DSG3: variants seen among roughly 807,000 people sequenced by gnomAD.
The protein encoded by DSG3 is desmoglein 3, also known as desmoglein-3.
Under a neutral mutation model 85.9 loss-of-function variants are expected in DSG3, and 63 were observed. The ratio of observed to expected loss-of-function variants is 0.73; its 90% confidence interval spans 0.60 to 0.90. The LOEUF (loss-of-function observed/expected upper bound fraction) is 0.90, where lower values mean the gene tolerates loss of function less well. Among genes scored for constraint, DSG3 ranks in the 40% least tolerant of loss-of-function variants. DSG3 has a pLI of 0.00. For synonymous variants in DSG3, 447 were observed against 441.9 expected (o/e 1.01, Z -0.14); for missense variants, 1,220 against 1,219.9 (o/e 1.00, Z 0.00).
chr18:31,466,936 T>G (rs2072824880), intron 11 of DSG3, among the ~76,000 whole-genome samples, 182 bp downstream of exon 11: 1 of 152,272 alleles, frequency 6.6e-6, no homozygotes, highest in African/African-American at 2.4e-5. Context: ...AATGATATAC[T>G]GTTAGCACCA....
intron 1 of DSG3, among the ~76,000 whole-genome samples, chr18:31,455,451 G>T (rs2072736536): frequency 6.6e-6 from 1 of 152,040 alleles, no homozygotes; most frequent in South Asian, 2.1e-4. Context: ...CAATACTCCT[G>T]GCTTAGCACA....
At chr18:31,458,925 C>G in intron 4 of DSG3, 108 bp from the exon 5 acceptor site, 1 of 1,361,866 alleles carries the variant, frequency 7.3e-7, no homozygotes, top group Non-Finnish European at 1.0e-6. Context: ...AACATTTCTT[C>G]TTTGCACAAA....
At chr18:31,449,998 A>G (rs1255153613) in intron 1 of DSG3, among the ~76,000 whole-genome samples, 1 of 152,252 alleles carries the variant, frequency 6.6e-6, no homozygotes, top group African/African-American at 2.4e-5. Context: ...TTGAAATGAT[A>G]GTATTTTGGA....
chr18:31,456,925 T>A, intron 2 of DSG3, 68 bp from the exon 3 acceptor site: 1 of 1,528,374 alleles, frequency 6.5e-7, no homozygotes, highest in Non-Finnish European at 8.8e-7. Flanking sequence ...ACTAGGTGTC[T>A]GTAATCAATA....
At chr18:31,474,526 G>GGTTT in intron 15 of DSG3, 122 bp downstream of exon 15, 1 of 1,293,010 alleles carries the variant, frequency 7.7e-7, no homozygotes. Context: ...AGAAAAAAAT[G>GGTTT]GTTTGTTTGT....
At chr18:31,458,411 G>T (rs1353076770) in intron 3 of DSG3, 34 bp from the exon 4 acceptor site, 11 of 1,603,138 alleles carry the variant, frequency 6.9e-6, no homozygotes, top group Non-Finnish European at 9.4e-6. Flanking sequence ...TTGAGTGATG[G>T]TCACCTCAAC....
chr18:31,465,534 A>G (rs2072812861), intron 10 of DSG3, 77 bp downstream of exon 10: 1 of 1,232,872 alleles, frequency 8.1e-7, no homozygotes, highest in Non-Finnish European at 1.1e-6. Context: ...GATTATGATT[A>G]TTCAACATAT....
chr18:31,461,814 C>T (rs1464539259), intron 8 of DSG3, among the ~76,000 whole-genome samples: 2 of 152,150 alleles, frequency 1.3e-5, no homozygotes, highest in African/African-American at 2.4e-5. Flanking sequence ...CTTGCCCATT[C>T]GTCAATCGGT....
Position 31,472,752 on chromosome 18 carries a change from G to A in DSG3, c.2065G>A (p.Val689Ile), listed in dbSNP as rs2072863679. Reference protein sequence around the residue: ...KEITNICVPPVTANGADFMES... With the variant: ...KEITNICVPPITANGADFMES... ...AATCACAAATATTTGTGTGCCTCCT[G>A]TAACAGCCAATGGAGCCGATTTCAT... The change falls in exon 14 of 16, where the codon GTA (valine) becomes ATA (isoleucine). Residue 689 changes from valine (V) to isoleucine (I), a missense_variant. Coordinates refer to ENST00000257189, the MANE Select transcript of DSG3 (RefSeq NM_001944.3). The A allele has an allele frequency of 6.2e-7, 1 of 1,613,870 alleles. No homozygotes were observed. The highest frequency in any genetic ancestry group is 1.7e-5 in the Admixed American group (1 of 60,002).
intron 12 of DSG3, 33 bp downstream of exon 12, chr18:31,469,382 C>G (rs2072842137): frequency 6.2e-7 from 1 of 1,607,640 alleles, no homozygotes; most frequent in Admixed American, 1.7e-5. Context: ...TCTGTTGGAC[C>G]AGGTGTCCTC....
chr18:31,457,577 CTTTCTTTCTTCTTTCT>C (rs1279857439), intron 3 of DSG3, among the ~76,000 whole-genome samples: 1,180 of 78,266 alleles, frequency 0.015, 8 homozygotes, highest in East Asian at 0.067. Flanking sequence ...TTCTTTCTTT[CTTTCTTTCTTCTTTCT>C]TTCTTTCTTT....
chr18:31,465,559 G>A (rs1598782700), intron 10 of DSG3, 102 bp downstream of exon 10: 1 of 1,092,982 alleles, frequency 9.1e-7, no homozygotes, highest in East Asian at 3.0e-5. Context: ...TTTACCACTG[G>A]AGAGAGAGAA....
chr18:31,459,199 C>T lies in DSG3; in HGVS notation c.517+22C>T. The stretch of plus-strand genomic sequence containing the variant: ...TCAAGTAAGTCTTTTACAGTACTTA[C>T]CACTTTCAGTTTATCTACTTTCAAA... On this transcript the variant is annotated intron_variant, in intron 5 of 15. Transcript: ENST00000257189. The T allele has an allele frequency of 2.5e-6, 4 of 1,595,248 alleles. No individual in the cohort carries two copies. In the South Asian group the frequency reaches 3.4e-5, roughly 14 times the overall value.
rs144432356 is a variant in DSG3, at chr18:31,465,893, T to A, written c.1411+436T>A. Among the ~76,000 whole-genome samples the A allele has an allele frequency of 9.2e-5, 14 of 152,234 alleles. No homozygotes were observed. The East Asian group carries it at 2.7e-3, about 29-fold the overall frequency. On this transcript the variant is annotated intron_variant, in intron 10 of 15. Transcript: ENST00000257189. Reference sequence around the variant, plus strand: ...ATGTTTTAAAATAATATTCATTGAGTGTATGTGTTTCCCCAAGTATAAAAT... The same window carrying A: ...ATGTTTTAAAATAATATTCATTGAGAGTATGTGTTTCCCCAAGTATAAAAT...
At chr18:31,471,441 C>T (rs186906420) in intron 12 of DSG3, among the ~76,000 whole-genome samples, 1 of 152,048 alleles carries the variant, frequency 6.6e-6, no homozygotes, top group African/African-American at 2.4e-5. Flanking sequence ...GTGGTACAGC[C>T]GAAATTTAAA....
In DSG3 at chr18:31,474,172, G is replaced by A. The variant is rs569200263; in HGVS notation, c.2153G>A (p.Gly718Glu). 3.7e-6 allele frequency: 6 copies of A among 1,614,220 alleles called. No homozygotes were observed. Among genetic ancestry groups the A allele is most frequent in the Non-Finnish European group, 8.5e-7 (1 of 1,180,022 alleles). The change falls in exon 15 of 16, where the codon GGA becomes GAA. Residue 718 changes from glycine to glutamate, a missense_variant. Physicochemically the swap from Gly to Glu is moderately conservative, Grantham distance 98 (BLOSUM62 -2). Coordinates refer to ENST00000257189, the MANE Select transcript of DSG3 (RefSeq NM_001944.3). ...GGCACAGCGGTGGAAGGCACTTCAG[G>A]AATGGAAATGACCACTAAGCTTGGA... The part of the protein sequence containing the change: ...ARGTAVEGTS[G>E]MEMTTKLGAA...
At position 31,455,625 on chromosome 18, in the gene DSG3, G is replaced by C. The variant is rs182669568; in HGVS notation, c.49-815G>C. On this transcript the variant is annotated intron_variant, in intron 1 of 15. Coordinates refer to ENST00000257189, the MANE Select transcript of DSG3 (RefSeq NM_001944.3). ...GAACTTGATGGATCTGGAAGGATGAGCAATATTTAAGTGGGTGGAGTAGAA... is the reference window on the plus strand; with the variant it reads ...GAACTTGATGGATCTGGAAGGATGACCAATATTTAAGTGGGTGGAGTAGAA... Among the ~76,000 whole-genome samples the C allele has an allele frequency of 2.1e-3, 322 of 152,316 alleles. 1 individual carries two copies. The highest frequency in any genetic ancestry group is 7.1e-3 in the African/African-American group (296 of 41,572).
rs1197975008 is a variant in DSG3, at chr18:31,477,108, G to A, written c.*848G>A. 6.6e-6 allele frequency: 1 copy of A among 152,046 alleles called. No individual in the cohort carries two copies. The highest frequency in any genetic ancestry group is 1.5e-5 in the Non-Finnish European group (1 of 68,000). 9.4% of individuals were successfully genotyped at this position (152,046 alleles called of 1,614,324 possible). A position where few individuals can be genotyped will look rare whatever the true frequency, so the allele number is the denominator to read the frequency against. ...TATGTGTCTTTTACTCAAGCTAAGGGGTATAAGCTTATGTGTTGAATTTGC... is the reference window on the plus strand; with the variant it reads ...TATGTGTCTTTTACTCAAGCTAAGGAGTATAAGCTTATGTGTTGAATTTGC... On this transcript the variant is annotated 3_prime_UTR_variant, in exon 16 of 16. Transcript: ENST00000257189.
intron 12 of DSG3, among the ~76,000 whole-genome samples, chr18:31,469,627 C>G (rs765861460): frequency 3.3e-4 from 50 of 152,156 alleles, no homozygotes; most frequent in Non-Finnish European, 5.3e-4. Flanking sequence ...ACTTTCTACA[C>G]ACTGTTAGTA....
Sources: allele counts gnomAD v4.1 joint callset (sites outside exome capture counted in the v4.1 genomes callset), GRCh38; gene constraint gnomAD v4.1.1; transcripts MANE v1.5; gene names NCBI Gene and HGNC (gene_info 2026-07-23, HGNC 2026-07-21).